The following SREK1IP1 variants were observed in gnomAD, a reference collection of about 807,000 sequenced individuals.
The protein encoded by SREK1IP1 is protein SREK1IP1.
In SREK1IP1, 12 loss-of-function variants were observed where a neutral mutation model predicts 22.8. The observed-to-expected ratio is 0.53, with a 90% CI of 0.34 to 0.85. The LOEUF (loss-of-function observed/expected upper bound fraction) is 0.85. SREK1IP1 is among the 40% of genes least tolerant of loss of function. SREK1IP1 has a pLI of 0.02. For synonymous variants in SREK1IP1, 53 were observed against 52.7 expected (o/e 1.01, Z -0.02); for missense variants, 147 against 171.8 (o/e 0.86, Z 0.81).
intron 1 of SREK1IP1, among the ~76,000 whole-genome samples, chr5:64,757,861 C>CTTTTTTTTTTTTTTT (rs59456636): frequency 1.4e-5 from 1 of 72,944 alleles, no homozygotes; most frequent in African/African-American, 5.3e-5. Context: ...AGGTTCCTAT[C>CTTTTTTTTTTTTTTT]TTTTTTTTTT....
chr5:64,740,468 G>C (rs1383397596), intron 3 of SREK1IP1, among the ~76,000 whole-genome samples: 3 of 152,194 alleles, frequency 2.0e-5, no homozygotes, highest in African/African-American at 7.2e-5. Flanking sequence ...TTTGGTATAA[G>C]TAATAAAGAA....
In SREK1IP1 at chr5:64,727,553, A is replaced by ATATTTT; in HGVS notation, c.278+553_278+554insAAAATA. On this transcript the variant is annotated intron_variant, in intron 4 of 4. Coordinates refer to ENST00000513458, the MANE Select transcript of SREK1IP1 (RefSeq NM_173829.4). ...TACATATATATATATATATATATAT[A>ATATTTT]TTTTTTTTTTTTTGGTGGGCGGGGG... 3.8e-4 allele frequency: 32 copies of ATATTTT among 84,680 alleles called. No individual in the cohort carries two copies. In the Middle Eastern group the frequency reaches 0.023, roughly 60 times the overall value. The allele number at this position is 84,680 out of a possible 1,614,324, so 5.2% of individuals were successfully genotyped here.
rs962771883 is a variant in SREK1IP1, at chr5:64,728,011, TATTAA to T, written c.278+91_278+95del. Reference sequence around the variant, plus strand: ...AAAAGCTTAGTTGTTGAAGAAAAAATATTAAATTAACTATTATACACAAAAAATAA... The same window carrying T: ...AAAAGCTTAGTTGTTGAAGAAAAAATATTAACTATTATACACAAAAAATAA... On this transcript the variant is annotated intron_variant, in intron 4 of 4. Coordinates refer to ENST00000513458, the MANE Select transcript of SREK1IP1 (RefSeq NM_173829.4). The T allele has an allele frequency of 1.9e-5, 19 of 1,026,050 alleles. No individual in the cohort carries two copies. In the African/African-American group the frequency reaches 2.5e-4, roughly 14 times the overall value. The allele number at this position is 1,026,050 out of a possible 1,614,324, so 63.6% of individuals were successfully genotyped here.
intron 3 of SREK1IP1, among the ~76,000 whole-genome samples, chr5:64,737,518 A>G (rs1742484711): frequency 6.7e-6 from 1 of 150,362 alleles, no homozygotes; most frequent in Non-Finnish European, 1.5e-5. Context: ...AAAAAAAAAA[A>G]AAAAAGAAAA....
At chr5:64,757,705 C>A (rs1463679351) in intron 1 of SREK1IP1, among the ~76,000 whole-genome samples, 1 of 152,108 alleles carries the variant, frequency 6.6e-6, no homozygotes, top group Non-Finnish European at 1.5e-5. Context: ...TTTACGGTCA[C>A]TTCACAACTC....
chr5:64,752,569 T>C (rs1041700992), intron 2 of SREK1IP1, among the ~76,000 whole-genome samples: 1 of 152,228 alleles, frequency 6.6e-6, no homozygotes, highest in African/African-American at 2.4e-5. Flanking sequence ...ATATTCACTA[T>C]TGAAATATAC....
chr5:64,756,680 C>A (rs1309145368), intron 1 of SREK1IP1, among the ~76,000 whole-genome samples: 2 of 151,674 alleles, frequency 1.3e-5, no homozygotes, highest in African/African-American at 4.9e-5. Context: ...TGCTGGAGTG[C>A]AGTGGTGCGT....
At chr5:64,739,779 T>C (rs775731832) in intron 3 of SREK1IP1, among the ~76,000 whole-genome samples, 2 of 152,088 alleles carry the variant, frequency 1.3e-5, no homozygotes, top group African/African-American at 2.4e-5. Flanking sequence ...TACTCATATA[T>C]GATATGACTC....
At chr5:64,745,817 C>T (rs1215974298) in intron 2 of SREK1IP1, among the ~76,000 whole-genome samples, 1 of 149,512 alleles carries the variant, frequency 6.7e-6, no homozygotes, top group African/African-American at 2.6e-5. Flanking sequence ...AAGTTTCTTA[C>T]TGATTTTTTT....
At chr5:64,754,539 A>C in intron 1 of SREK1IP1, 177 bp from the exon 2 acceptor site, 2 of 551,816 alleles carry the variant, frequency 3.6e-6, no homozygotes, top group Non-Finnish European at 3.2e-6. Flanking sequence ...ATCACAGCTC[A>C]CTACAGCCTC....
At chr5:64,752,936 TAAC>T (rs1742774810) in intron 2 of SREK1IP1, among the ~76,000 whole-genome samples, 2 of 152,180 alleles carry the variant, frequency 1.3e-5, no homozygotes, top group African/African-American at 4.8e-5. Flanking sequence ...AGAAATTGTT[TAAC>T]AACTAAATCA....
At position 64,755,007 on chromosome 5, in the gene SREK1IP1, G is replaced by T. The variant is rs573170573; in HGVS notation, c.14-645C>A. ...GAGAAATGCAAATCAAAACCACAGT[G>T]AGATACCAACTCACACCAGTCAGAA... is the stretch of plus-strand genomic sequence containing the variant. On this transcript the variant is annotated intron_variant, in intron 1 of 4. Coordinates refer to ENST00000513458, the MANE Select transcript of SREK1IP1 (RefSeq NM_173829.4). 3.2e-3 allele frequency among the ~76,000 whole-genome samples: 490 copies of T among 152,094 alleles called. 2 individuals are homozygous for T. Among genetic ancestry groups the T allele is most frequent in the Middle Eastern group, 0.017 (5 of 292 alleles).
In SREK1IP1 at chr5:64,766,895, T is replaced by C. The variant is rs537116929; in HGVS notation, c.13+1610A>G. Among the ~76,000 whole-genome samples, 3 of 152,382 alleles carry C rather than the reference T, an allele frequency of 2.0e-5. No individual in the cohort carries two copies. In the South Asian group the frequency reaches 6.2e-4, roughly 32 times the overall value. The stretch of plus-strand genomic sequence containing the variant: ...TGTTTGATATAGTATCTGACATATT[T>C]GACTTATAAATATTAGTCAATATTA... On this transcript the variant is annotated intron_variant, in intron 1 of 4. Transcript: ENST00000513458.
chr5:64,727,553 A>ATATATATATATATATATATTT, intron 4 of SREK1IP1: 1 of 84,716 alleles, frequency 1.2e-5, no homozygotes, highest in African/African-American at 5.5e-5. Flanking sequence ...ATATATATAT[A>ATATATATATATATATATATTT]TTTTTTTTTT....
In SREK1IP1 at chr5:64,724,495, T is replaced by A. The variant is rs1305001114; in HGVS notation, c.357A>T (p.Lys119Asn). 1.3e-6 allele frequency: 2 copies of A among 1,591,398 alleles called. No homozygotes were observed. Among genetic ancestry groups the A allele is most frequent in the Non-Finnish European group, 1.7e-6 (2 of 1,174,114 alleles). The change falls in exon 5 of 5, where the codon AAA becomes AAT. Residue 119 changes from lysine to asparagine, a missense_variant. Transcript: ENST00000513458. ...KQKYQKKEKK[K>N]EKKSKSKKGK... ...CTTTTTTTGATTTACTCTTTTTTTC[T>A]TTTTTCTTTTCTTTCTTCTGATATT...
At chr5:64,754,894 A>G (rs1290202647) in intron 1 of SREK1IP1, 1 of 152,306 alleles carries the variant, frequency 6.6e-6, no homozygotes, top group Non-Finnish European at 1.5e-5. Flanking sequence ...ATACATCAAT[A>G]ACATTTTTTT....
rs1362735620 is a variant in SREK1IP1 at position 64,718,343 on chromosome 5, A to G, written c.*6041T>C. ...AAGAACAGTGAGAAGTTTATGTCAC[A>G]TTACCAGCATTTCTCAACTTTCTGA... On this transcript the variant is annotated 3_prime_UTR_variant, in exon 5 of 5. Transcript: ENST00000513458. The G allele has an allele frequency of 1.1e-5, 2 of 188,060 alleles. No individual in the cohort carries two copies. Among genetic ancestry groups the G allele is most frequent in the Non-Finnish European group, 1.1e-5 (1 of 93,184 alleles). 11.6% of individuals were successfully genotyped at this position (188,060 alleles called of 1,614,324 possible). A position where few individuals can be genotyped will look rare whatever the true frequency, so the allele number is the denominator to read the frequency against.
intron 3 of SREK1IP1, among the ~76,000 whole-genome samples, chr5:64,729,533 A>G (rs1170526006): frequency 6.6e-6 from 1 of 152,232 alleles, no homozygotes; most frequent in East Asian, 1.9e-4. Context: ...AGAGGTAAGC[A>G]GGAACTTGCT....
chr5:64,752,353 G>A (rs1355652439), intron 2 of SREK1IP1, among the ~76,000 whole-genome samples: 2 of 151,412 alleles, frequency 1.3e-5, no homozygotes, highest in Non-Finnish European at 2.9e-5. Flanking sequence ...GGGTTTCATC[G>A]GGTTACCTAG....
Sources: gnomAD v4.1 joint callset for allele counts (sites outside exome capture counted in the v4.1 genomes callset) on GRCh38, gnomAD v4.1.1 for gene constraint, MANE v1.5 for transcripts, NCBI Gene and HGNC (gene_info 2026-07-23, HGNC 2026-07-21) for gene names.